STAG1: variants seen among roughly 807,000 people sequenced by gnomAD.
STAG1 encodes cohesin subunit SA-1.
In STAG1, 26 loss-of-function variants were observed where a neutral mutation model predicts 170.9. That is an observed-to-expected ratio of 0.15 (90% CI 0.11 to 0.21). The LOEUF is 0.21. Among genes scored for constraint, STAG1 ranks in the 10% least tolerant of loss-of-function variants. STAG1 has a pLI of 1.00. For synonymous variants in STAG1, 514 were observed against 497.7 expected, an observed-to-expected ratio of 1.03 and a Z score of -0.44; for missense variants, 964 against 1,509.5, an observed-to-expected ratio of 0.64 and a Z score of 5.99.
chr3:136,724,157 GA>G (rs1318992990), intron 1 of STAG1, among the ~76,000 whole-genome samples: 138 of 143,340 alleles, frequency 9.6e-4, no homozygotes, highest in African/African-American at 3.4e-3. Flanking sequence ...TTGTGGAATA[GA>G]GGAGGGGAGA....
chr3:136,559,235 A>C (rs1405903669), intron 5 of STAG1, among the ~76,000 whole-genome samples: 2 of 152,194 alleles, frequency 1.3e-5, no homozygotes, highest in Non-Finnish European at 2.9e-5. Context: ...ATACTGATTA[A>C]TATATAATAA....
At chr3:136,679,336 T>C (rs1942252763) in intron 1 of STAG1, among the ~76,000 whole-genome samples, 1 of 152,040 alleles carries the variant, frequency 6.6e-6, no homozygotes, top group Non-Finnish European at 1.5e-5. Flanking sequence ...TCCCACCACT[T>C]TGGGAGGCCG....
chr3:136,640,615 C>A (rs1327052097), intron 1 of STAG1, among the ~76,000 whole-genome samples: 4 of 150,578 alleles, frequency 2.7e-5, no homozygotes, highest in Non-Finnish European at 5.9e-5. Flanking sequence ...GTGAACCGCC[C>A]GCCTCAGCCT....
At chr3:136,677,879 GATAT>G (rs1180496236) in intron 1 of STAG1, among the ~76,000 whole-genome samples, 2 of 147,012 alleles carry the variant, frequency 1.4e-5, no homozygotes, top group African/African-American at 2.5e-5. Context: ...GATCATTTCT[GATAT>G]ATATATCATA....
chr3:136,503,770 T>C (rs1392351941), intron 7 of STAG1, among the ~76,000 whole-genome samples: 1 of 152,156 alleles, frequency 6.6e-6, no homozygotes, highest in African/African-American at 2.4e-5. Flanking sequence ...AGTTTCGCTC[T>C]TGTTGCCCAG....
chr3:136,626,909 AT>A (rs1294010723), intron 2 of STAG1, among the ~76,000 whole-genome samples: 3 of 152,182 alleles, frequency 2.0e-5, no homozygotes, highest in Non-Finnish European at 4.4e-5. Flanking sequence ...TGAATTTTCT[AT>A]TTTCATGTTA....
chr3:136,686,885 T>C (rs1291541769), intron 1 of STAG1, among the ~76,000 whole-genome samples: 1 of 152,196 alleles, frequency 6.6e-6, no homozygotes, highest in East Asian at 1.9e-4. Flanking sequence ...GAGAATCTAG[T>C]GAAGTCTGTT....
intron 3 of STAG1, among the ~76,000 whole-genome samples, chr3:136,611,101 G>T (rs548520195): frequency 3.3e-5 from 5 of 152,058 alleles, no homozygotes; most frequent in Non-Finnish European, 5.9e-5. Context: ...CATGAAACTC[G>T]TTTATGTTTC....
chr3:136,508,520 T>A (rs1933882390), intron 7 of STAG1, among the ~76,000 whole-genome samples: 2 of 152,046 alleles, frequency 1.3e-5, no homozygotes, highest in African/African-American at 4.8e-5. Context: ...AGACTCCATC[T>A]CTACAAAAAA....
intron 21 of STAG1, among the ~76,000 whole-genome samples, chr3:136,403,108 T>C (rs1274975983): frequency 6.6e-6 from 1 of 150,706 alleles, no homozygotes; most frequent in Non-Finnish European, 1.5e-5. Context: ...CATGCCTGTA[T>C]TCCTGGTTAC....
intron 26 of STAG1, among the ~76,000 whole-genome samples, chr3:136,362,920 T>C (rs898912627): frequency 3.2e-4 from 48 of 152,014 alleles, no homozygotes; most frequent in African/African-American, 8.9e-4. Context: ...ATATATATTA[T>C]GTATTTTTAT....
At chr3:136,374,725 A>G (rs1937517052) in intron 23 of STAG1, among the ~76,000 whole-genome samples, 1 of 152,160 alleles carries the variant, frequency 6.6e-6, no homozygotes, top group South Asian at 2.1e-4. Flanking sequence ...TACAAAGAAA[A>G]AGAATTATAG....
chr3:136,652,269 A>T (rs1559931485), intron 1 of STAG1, among the ~76,000 whole-genome samples: 2 of 152,260 alleles, frequency 1.3e-5, no homozygotes, highest in Non-Finnish European at 2.9e-5. Flanking sequence ...AAAAGGGCTA[A>T]CGCACTTGTA....
intron 3 of STAG1, among the ~76,000 whole-genome samples, chr3:136,611,540 G>A (rs1939277245): frequency 6.6e-6 from 1 of 151,482 alleles, no homozygotes; most frequent in Non-Finnish European, 1.5e-5. Flanking sequence ...CTGTCACCCA[G>A]GCCGGAGTAC....
At chr3:136,621,405 C>G (rs183717174) in intron 3 of STAG1, among the ~76,000 whole-genome samples, 75 of 152,216 alleles carry the variant, frequency 4.9e-4, no homozygotes, top group Non-Finnish European at 3.2e-4. Context: ...GCAGTTATAT[C>G]CTGAGATTGC....
intron 1 of STAG1, among the ~76,000 whole-genome samples, chr3:136,664,311 G>T (rs1246278431): frequency 1.3e-5 from 2 of 152,094 alleles, no homozygotes; most frequent in Non-Finnish European, 2.9e-5. Flanking sequence ...TTGAACTATG[G>T]AACATAGTGC....
intron 15 of STAG1, among the ~76,000 whole-genome samples, chr3:136,437,681 C>T (rs1241487587): frequency 6.6e-6 from 1 of 152,076 alleles, no homozygotes; most frequent in Admixed American, 6.6e-5. Context: ...TTCTCCTCTG[C>T]AATATATATT....
chr3:136,387,477 T>C (rs963953708), intron 22 of STAG1, among the ~76,000 whole-genome samples: 32 of 152,254 alleles, frequency 2.1e-4, no homozygotes, highest in African/African-American at 7.5e-4. Flanking sequence ...CCATACTATA[T>C]ATAAAACAGA....
chr3:136,685,323 A>T (rs547508547), intron 1 of STAG1, among the ~76,000 whole-genome samples: 34 of 109,028 alleles, frequency 3.1e-4, no homozygotes, highest in Non-Finnish European at 1.4e-4. Context: ...CTCCAAAAAC[A>T]AACAAACAAA....
Sources: gnomAD v4.1 joint callset for allele counts (sites outside exome capture counted in the v4.1 genomes callset) on GRCh38, gnomAD v4.1.1 for gene constraint, MANE v1.5 for transcripts, NCBI Gene and HGNC (gene_info 2026-07-23, HGNC 2026-07-21) for gene names.